TMC5: variants seen among roughly 807,000 people sequenced by gnomAD.
TMC5 encodes transmembrane channel-like protein 5.
TMC5 carries 86 observed loss-of-function variants against 110.5 expected under a neutral mutation model. The observed-to-expected ratio is 0.78, with a 90% CI of 0.65 to 0.93. The LOEUF is 0.93. Among genes scored for constraint, TMC5 ranks in the 40% least tolerant of loss-of-function variants. The pLI is 0.00. For missense variants in TMC5, 1,144 were observed against 1,222.8 expected (o/e 0.94, Z 0.96); for synonymous variants, 455 against 439.5 (o/e 1.04, Z -0.44).
In TMC5 at chr16:19,440,564, A is replaced by G. The variant is rs1277441339; in HGVS notation, c.526A>G (p.Arg176Gly). 1.6e-5 allele frequency: 26 copies of G among 1,614,108 alleles called. No homozygotes were observed. Among genetic ancestry groups the G allele is most frequent in the Non-Finnish European group, 2.0e-5 (24 of 1,180,036 alleles). ...AQSNSDHPGP[R>G]ANLNHPGSRK... ...GAGCAACTCTGATCATCCTGGACCC[A>G]GAGCCAATTTGAACCATCCAGGATC... is the stretch of plus-strand genomic sequence containing the variant. Residue 176 changes from arginine (R) to glycine (G), a missense_variant, in exon 3 of 22, where the codon AGA becomes GGA. By Grantham distance (125) the Arg-to-Gly change is moderately radical. Coordinates refer to ENST00000542583, the MANE Select transcript of TMC5 (RefSeq NM_001261841.2).
intron 8 of TMC5, among the ~76,000 whole-genome samples, chr16:19,465,009 TTCTTTCTTTC>T (rs1262334941): frequency 3.6e-5 from 1 of 27,992 alleles, no homozygotes; most frequent in African/African-American, 7.3e-5. Flanking sequence ...TTGTCTTTCT[TTCTTTCTTTC>T]TTTCTTTCTT....
chr16:19,492,859 G>C (rs1968941563), intron 19 of TMC5, among the ~76,000 whole-genome samples: 1 of 144,110 alleles, frequency 6.9e-6, no homozygotes, highest in South Asian at 2.3e-4. Flanking sequence ...CTGGCTCCCT[G>C]GATTATTTTA....
chr16:19,463,495 G>A, intron 7 of TMC5, 128 bp downstream of exon 7: 1 of 896,820 alleles, frequency 1.1e-6, no homozygotes, highest in Non-Finnish European at 1.8e-6. Context: ...CCAACGGTTA[G>A]TACAGGTGTG....
intron 5 of TMC5, among the ~76,000 whole-genome samples, chr16:19,452,236 C>T (rs960954224): frequency 2.6e-5 from 4 of 152,160 alleles, no homozygotes; most frequent in Non-Finnish European, 5.9e-5. Flanking sequence ...TTACAAGGGA[C>T]ATAGATGAAG....
At chr16:19,448,372 T>C (rs1343894436) in intron 4 of TMC5, among the ~76,000 whole-genome samples, 1 of 151,720 alleles carries the variant, frequency 6.6e-6, no homozygotes, top group Non-Finnish European at 1.5e-5. Context: ...CCCAACCCTT[T>C]GAGAGGCCAA....
At chr16:19,455,162 T>A (rs1967836131) in intron 5 of TMC5, among the ~76,000 whole-genome samples, 3 of 151,192 alleles carry the variant, frequency 2.0e-5, no homozygotes, top group Admixed American at 2.0e-4. Flanking sequence ...AAATTTGTAC[T>A]TTTTTTTACA....
At chr16:19,438,935 A>T (rs1369782552) in intron 2 of TMC5, among the ~76,000 whole-genome samples, 2 of 152,230 alleles carry the variant, frequency 1.3e-5, no homozygotes, top group Non-Finnish European at 2.9e-5. Context: ...ATGCTGGGTC[A>T]AAGAAGATTT....
intron 18 of TMC5, among the ~76,000 whole-genome samples, chr16:19,490,890 T>C (rs1359498463): frequency 2.4e-5 from 3 of 123,312 alleles, no homozygotes; most frequent in African/African-American, 6.0e-5. Context: ...TCCTTCCTTC[T>C]TTCTCCCTTC....
intron 2 of TMC5, among the ~76,000 whole-genome samples, chr16:19,438,240 A>C (rs1967390400): frequency 6.6e-6 from 1 of 151,584 alleles, no homozygotes; most frequent in Non-Finnish European, 1.5e-5. Context: ...ACAGAAAATG[A>C]AAAAATTAGG....
At chr16:19,483,996 C>G (rs1968677808) in intron 15 of TMC5, among the ~76,000 whole-genome samples, 1 of 149,794 alleles carries the variant, frequency 6.7e-6, no homozygotes, top group Admixed American at 6.7e-5. Context: ...GCAGGAGAAT[C>G]ACTTGAACCC....
chr16:19,464,020 G>C lies in TMC5; in HGVS notation c.1481G>C (p.Gly494Ala). The C allele has an allele frequency of 5.6e-6, 9 of 1,613,762 alleles. No individual in the cohort carries two copies. The highest frequency in any genetic ancestry group is 7.6e-6 in the Non-Finnish European group (9 of 1,179,876). Reference sequence around the variant, plus strand: ...TTCACTGGGCTGGAGTTTTTCACTGGGGTGGTAAGTCCTCCACTTCCCCTA... The same window carrying C: ...TTCACTGGGCTGGAGTTTTTCACTGCGGTGGTAAGTCCTCCACTTCCCCTA... The part of the protein sequence containing the change: ...LQFTGLEFFT[G>A]VGYFRDTVMY... Residue 494 changes from glycine to alanine, a missense_variant, in exon 8 of 22, where the codon GGG becomes GCG. Gly to Ala is a moderately conservative substitution (Grantham distance 60). Coordinates refer to ENST00000542583, the MANE Select transcript of TMC5 (RefSeq NM_001261841.2).
chr16:19,423,636 T>C (rs1967030746), intron 1 of TMC5, among the ~76,000 whole-genome samples: 1 of 152,248 alleles, frequency 6.6e-6, no homozygotes, highest in African/African-American at 2.4e-5. Context: ...AAAAAGTTTT[T>C]TCCCACTGTA....
chr16:19,462,154 T>G (rs1481686499), intron 6 of TMC5, among the ~76,000 whole-genome samples: 1 of 152,230 alleles, frequency 6.6e-6, no homozygotes, highest in East Asian at 1.9e-4. Flanking sequence ...TCTGTATGGC[T>G]GCCTCTGTCA....
chr16:19,448,650 A>T (rs1372105426), intron 4 of TMC5, among the ~76,000 whole-genome samples: 2 of 143,724 alleles, frequency 1.4e-5, no homozygotes, highest in Non-Finnish European at 1.5e-5. Context: ...ATTTAATGTA[A>T]TTTTTTATAT....
At position 19,478,385 on chromosome 16, in the gene TMC5, T is replaced by C. The variant is rs192878879; in HGVS notation, c.2169+867T>C. Reference sequence around the variant, plus strand: ...TGGCACCCTCAACTTCTCTCCCTAATTGTCGAAGAGATTCAAAATCAGCCC... The same window carrying C: ...TGGCACCCTCAACTTCTCTCCCTAACTGTCGAAGAGATTCAAAATCAGCCC... On this transcript the variant is annotated intron_variant, in intron 13 of 21. Transcript: ENST00000542583. Among the ~76,000 whole-genome samples, 160 of 152,314 alleles carry C rather than the reference T, an allele frequency of 1.1e-3. No homozygotes were observed. In the South Asian group the frequency reaches 0.013, roughly 12 times the overall value.
chr16:19,410,642 A>G (rs1240504114), upstream of TMC5: 2 of 152,348 alleles, frequency 1.3e-5, no homozygotes, highest in African/African-American at 4.8e-5. Flanking sequence ...AACTGGCTCA[A>G]TTCTCAGAAG....
At chr16:19,488,109 G>C (rs138926527) in intron 17 of TMC5, among the ~76,000 whole-genome samples, 2 of 152,088 alleles carry the variant, frequency 1.3e-5, no homozygotes, top group Admixed American at 6.6e-5. Context: ...GGGCGGTTGC[G>C]GGTGTGGGAT....
At position 19,444,194 on chromosome 16, in the gene TMC5, T is replaced by C; in HGVS notation, c.902T>C (p.Met301Thr). The change falls in exon 4 of 22, where the codon ATG becomes ACG. Residue 301 changes from methionine to threonine, a missense_variant. Transcript: ENST00000542583. ...DYPEGIEMAS[M>T]EMANSYGHSL... ...CCTGAAGGCATTGAAATGGCATCCATGGAGATGGCAAACTCATATGGCCAC... is the reference window on the plus strand; with the variant it reads ...CCTGAAGGCATTGAAATGGCATCCACGGAGATGGCAAACTCATATGGCCAC... 6.2e-7 allele frequency: 1 copy of C among 1,614,018 alleles called. No homozygotes were observed. Among genetic ancestry groups the C allele is most frequent in the Non-Finnish European group, 8.5e-7 (1 of 1,180,010 alleles).
chr16:19,454,789 C>T (rs1331859375), intron 5 of TMC5, among the ~76,000 whole-genome samples: 2 of 152,214 alleles, frequency 1.3e-5, no homozygotes, highest in East Asian at 3.9e-4. Context: ...GTTTATGTGC[C>T]TGGCACTGGA....
Sources: gnomAD v4.1 joint callset for allele counts (sites outside exome capture counted in the v4.1 genomes callset) on GRCh38, gnomAD v4.1.1 for gene constraint, MANE v1.5 for transcripts, NCBI Gene and HGNC (gene_info 2026-07-23, HGNC 2026-07-21) for gene names.